The following CLIP4 variants were observed in gnomAD, a reference collection of about 807,000 sequenced individuals.
The protein encoded by CLIP4 is CAP-Gly domain containing linker protein family member 4, also known as CAP-Gly domain-containing linker protein 4.
Under a neutral mutation model 73.1 loss-of-function variants are expected in CLIP4, and 47 were observed. The observed-to-expected ratio is 0.64, with a 90% CI of 0.51 to 0.82. The LOEUF (loss-of-function observed/expected upper bound fraction) is 0.82, where lower values mean the gene tolerates loss of function less well. Among genes scored for constraint, CLIP4 ranks in the 40% least tolerant of loss-of-function variants. The pLI, the probability that CLIP4 is intolerant of heterozygous loss-of-function variation, is 0.00. For synonymous variants in CLIP4, 306 were observed against 295.4 expected, an observed-to-expected ratio of 1.04 and a Z score of -0.37; for missense variants, 874 against 852.9, an observed-to-expected ratio of 1.02 and a Z score of -0.31.
At chr2:29,143,664 G>C (rs746874503) in intron 6 of CLIP4, 45 bp from the exon 7 acceptor site, 1 of 1,257,166 alleles carries the variant, frequency 8.0e-7, no homozygotes, top group African/African-American at 1.5e-5. Context: ...ACTTTCTAGT[G>C]CTCTAAGTAA....
chr2:29,110,978 G>A (rs79306001), upstream of CLIP4, among the ~76,000 whole-genome samples: 1,802 of 152,220 alleles, frequency 0.012, 34 homozygotes, highest in African/African-American at 0.041. Context: ...GAGCCACCAC[G>A]CCTGGTCAAT....
In CLIP4 at chr2:29,160,470, A is replaced by T. The variant is rs1292162844; in HGVS notation, c.1534+3A>T. On this transcript the variant is annotated splice_donor_region_variant and intron_variant, in intron 12 of 15. Transcript: ENST00000320081. ...TGGGACAACAAACTTCGCTCCAGGT[A>T]ACTCATCTGCATATTTTCTTAACTT... The T allele has an allele frequency of 3.7e-6, 6 of 1,614,002 alleles. No individual in the cohort carries two copies. Among genetic ancestry groups the T allele is most frequent in the Non-Finnish European group, 5.1e-6 (6 of 1,179,934 alleles).
chr2:29,138,318 T>G (rs758375070), intron 6 of CLIP4, among the ~76,000 whole-genome samples: 6 of 152,110 alleles, frequency 3.9e-5, no homozygotes, highest in Non-Finnish European at 7.4e-5. Flanking sequence ...TGGTTGTGTG[T>G]GGCTTTATTT....
intron 6 of CLIP4, among the ~76,000 whole-genome samples, chr2:29,139,417 T>C (rs1665604583): frequency 2.0e-5 from 3 of 152,182 alleles, no homozygotes; most frequent in African/African-American, 7.2e-5. Flanking sequence ...TGTCTGTGTT[T>C]ATCAGGGATA....
chr2:29,134,722 C>G (rs140291880), intron 5 of CLIP4, among the ~76,000 whole-genome samples: 1 of 151,802 alleles, frequency 6.6e-6, no homozygotes, highest in Non-Finnish European at 1.5e-5. Flanking sequence ...CCCTTGTTAT[C>G]GAAAATACTC....
chr2:29,147,907 C>T (rs1047065194), intron 8 of CLIP4, among the ~76,000 whole-genome samples: 1 of 151,864 alleles, frequency 6.6e-6, no homozygotes, highest in African/African-American at 2.4e-5. Flanking sequence ...TTTAATTTTC[C>T]TCCGATAGAT....
chr2:29,140,391 C>T (rs1389326048), intron 6 of CLIP4, among the ~76,000 whole-genome samples: 1 of 152,064 alleles, frequency 6.6e-6, no homozygotes, highest in Non-Finnish European at 1.5e-5. Flanking sequence ...CATCCATGTC[C>T]CTACAAAGGA....
chr2:29,120,372 G>T (rs1379346795), intron 1 of CLIP4, among the ~76,000 whole-genome samples: 1 of 152,104 alleles, frequency 6.6e-6, no homozygotes, highest in Non-Finnish European at 1.5e-5. Context: ...TATTGTAGTG[G>T]GGAACTGATG....
rs1487845582 is a variant in CLIP4 at position 29,143,393 on chromosome 2, C to T, written c.649-316C>T. Among the ~76,000 whole-genome samples the T allele has an allele frequency of 1.4e-4, 11 of 79,100 alleles. No homozygotes were observed. The Admixed American group carries it at 2.1e-3, about 15-fold the overall frequency. 51.9% of individuals were successfully genotyped at this position (79,100 alleles called of 152,430 possible). On this transcript the variant is annotated intron_variant, in intron 6 of 15. Transcript: ENST00000320081. ...CTCTGTCTCCACATTTCCTATTCCC[C>T]TTCCCTGTTTTTTTTTTTTCCCTCC...
Position 29,132,237 on chromosome 2 carries a change from ATGGTAT to A in CLIP4, c.365_367+3del, listed in dbSNP as rs1558528873. On this transcript the variant is annotated inframe_deletion and splice_region_variant, in exon 4 of 16. Coordinates refer to ENST00000320081, the MANE Select transcript of CLIP4 (RefSeq NM_024692.6). ...CATTATACCTGCAAATCTGGAGCTC[ATGGTAT>A]TGGTAAGTGTGTGGTAAATCTATCA... 2 of 1,612,336 alleles carry A rather than the reference ATGGTAT, an allele frequency of 1.2e-6. No homozygotes were observed. Among genetic ancestry groups the A allele is most frequent in the South Asian group, 2.2e-5 (2 of 91,020 alleles).
rs1386512232 is a variant in CLIP4 at position 29,128,434 on chromosome 2, TAAAAAAAACAAAAACA to T, written c.134-2810_134-2795del. 1.3e-4 allele frequency among the ~76,000 whole-genome samples: 19 copies of T among 149,926 alleles called. No homozygotes were observed. In the South Asian group the frequency reaches 3.8e-3, roughly 30 times the overall value. ...AATACAGAGAAAGCCATGTAGTTGT[TAAAAAAAACAAAAACA>T]AAAAAAAACAAAACCCCTTGACTTT... On this transcript the variant is annotated intron_variant, in intron 2 of 15. Transcript: ENST00000320081.
intron 15 of CLIP4, among the ~76,000 whole-genome samples, chr2:29,175,008 G>A (rs1413883932): frequency 2.0e-5 from 3 of 151,994 alleles, no homozygotes; most frequent in South Asian, 2.1e-4. Context: ...AGCAATATGA[G>A]GCTCTTCCAG....
intron 2 of CLIP4, chr2:29,130,722 T>G (rs1664912734): frequency 2.4e-6 from 3 of 1,233,192 alleles, no homozygotes; most frequent in Non-Finnish European, 3.1e-6. Context: ...TATATGTGTC[T>G]TTAGTTTGGT....
rs145990967 is a variant in CLIP4 at position 29,125,373 on chromosome 2, T to C, written c.133+3852T>C. On this transcript the variant is annotated intron_variant, in intron 2 of 15. Coordinates refer to ENST00000320081, the MANE Select transcript of CLIP4 (RefSeq NM_024692.6). ...CAAGTATTTCCTCACAAGCATATGA[T>C]GAATAGTTGAGGAGGACCCTGCACA... is the stretch of plus-strand genomic sequence containing the variant. 2.0e-3 allele frequency among the ~76,000 whole-genome samples: 306 copies of C among 152,314 alleles called. 4 individuals are homozygous for C. The highest frequency in any genetic ancestry group is 7.1e-3 in the African/African-American group (295 of 41,566).
At chr2:29,103,514 C>G (rs1392036252) in intron 1 of CLIP4, among the ~76,000 whole-genome samples, 2 of 152,090 alleles carry the variant, frequency 1.3e-5, no homozygotes, top group Non-Finnish European at 2.9e-5. Flanking sequence ...CCATAACTTA[C>G]ATTCTTATAA....
intron 1 of CLIP4, among the ~76,000 whole-genome samples, chr2:29,107,856 G>T (rs1357254923): frequency 6.6e-6 from 1 of 152,114 alleles, no homozygotes; most frequent in African/African-American, 2.4e-5. Context: ...CTGACTCTGA[G>T]ACTGAAATCT....
chr2:29,180,369 T>C (rs142215747), intron 15 of CLIP4, among the ~76,000 whole-genome samples: 8 of 152,264 alleles, frequency 5.3e-5, no homozygotes, highest in African/African-American at 1.4e-4. Flanking sequence ...ATGAGTGCAC[T>C]GGGGAGTCCC....
intron 8 of CLIP4, among the ~76,000 whole-genome samples, chr2:29,148,911 C>T (rs1666354491): frequency 6.6e-6 from 1 of 152,180 alleles, no homozygotes; most frequent in East Asian, 1.9e-4. Flanking sequence ...CTATTCTAAA[C>T]ACATGTTGAT....
upstream of CLIP4, among the ~76,000 whole-genome samples, chr2:29,112,889 C>CT (rs1156260537): frequency 6.6e-6 from 1 of 152,226 alleles, no homozygotes; most frequent in Admixed American, 6.5e-5. Context: ...GTGACCTTGT[C>CT]TTCTTTTGCT....
Sources: allele counts gnomAD v4.1 joint callset (sites outside exome capture counted in the v4.1 genomes callset), GRCh38; gene constraint gnomAD v4.1.1; transcripts MANE v1.5; gene names NCBI Gene and HGNC (gene_info 2026-07-23, HGNC 2026-07-21).